Variants in LRMDA observed in about 807,000 individuals in gnomAD.
LRMDA encodes leucine-rich melanocyte differentiation-associated protein.
LRMDA carries 18 observed loss-of-function variants against 29.8 expected under a neutral mutation model. That is an observed-to-expected ratio of 0.60 (90% confidence interval 0.42 to 0.90). The LOEUF is 0.90. Among genes scored for constraint, LRMDA ranks in the 40% least tolerant of loss-of-function variants. LRMDA has a pLI of 0.00. For missense variants in LRMDA, 273 were observed against 273.9 expected, an observed-to-expected ratio of 1.00 and a Z score of 0.02; for synonymous variants, 125 against 109.4, an observed-to-expected ratio of 1.14 and a Z score of -0.89.
At chr10:75,893,747 A>G (rs1032295648) in intron 2 of LRMDA, among the ~76,000 whole-genome samples, 3 of 152,148 alleles carry the variant, frequency 2.0e-5, no homozygotes, top group Non-Finnish European at 4.4e-5. Context: ...CAGCCTGGCC[A>G]CGATGGGGAA....
At chr10:75,766,099 G>A (rs1298354874) in intron 2 of LRMDA, among the ~76,000 whole-genome samples, 1 of 152,184 alleles carries the variant, frequency 6.6e-6, no homozygotes, top group African/African-American at 2.4e-5. Flanking sequence ...CTGACCTTCG[G>A]CTGGACAGAT....
At chr10:75,495,298 C>T (rs1168720017) in intron 2 of LRMDA, among the ~76,000 whole-genome samples, 1 of 151,944 alleles carries the variant, frequency 6.6e-6, no homozygotes, top group African/African-American at 2.4e-5. Flanking sequence ...ATGCCCCTCC[C>T]TAGTTCTATA....
chr10:75,910,796 G>A (rs1845829804), intron 2 of LRMDA, among the ~76,000 whole-genome samples: 1 of 152,110 alleles, frequency 6.6e-6, no homozygotes, highest in East Asian at 1.9e-4. Flanking sequence ...ACCAGATACC[G>A]AGGTGGCCAG....
chr10:76,103,435 G>A (rs1368212738), intron 5 of LRMDA, among the ~76,000 whole-genome samples: 1 of 152,146 alleles, frequency 6.6e-6, no homozygotes, highest in Non-Finnish European at 1.5e-5. Context: ...TCTGATCCCG[G>A]GGGCCTCTGT....
rs145010718 is a variant in LRMDA, at chr10:75,611,478, C to T, written c.131+172984C>T. 6.3e-3 allele frequency among the ~76,000 whole-genome samples: 955 copies of T among 152,298 alleles called. 13 individuals carry two copies. Among genetic ancestry groups the T allele is most frequent in the African/African-American group, 0.021 (887 of 41,560 alleles). On this transcript the variant is annotated intron_variant, in intron 2 of 6. Transcript: ENST00000611255. ...ATCTCCAGAACTGTTTTCATCTTCT[C>T]AAGCCAAAACTCCATACCCATTAAA...
intron 5 of LRMDA, among the ~76,000 whole-genome samples, chr10:76,160,883 G>A (rs532421688): frequency 6.6e-6 from 1 of 152,232 alleles, no homozygotes; most frequent in South Asian, 2.1e-4. Context: ...ATCAGTTCTA[G>A]TTGAGGTGTA....
chr10:76,467,808 C>T (rs796218563), intron 6 of LRMDA, among the ~76,000 whole-genome samples: 7 of 152,170 alleles, frequency 4.6e-5, no homozygotes, highest in African/African-American at 1.7e-4. Flanking sequence ...ATTTGGCATG[C>T]CAGCTTGGGT....
intron 6 of LRMDA, among the ~76,000 whole-genome samples, chr10:76,330,068 T>G (rs1293754288): frequency 6.6e-6 from 1 of 152,192 alleles, no homozygotes; most frequent in Non-Finnish European, 1.5e-5. Context: ...AGCATAATGC[T>G]TTCAGGAGGG....
intron 2 of LRMDA, among the ~76,000 whole-genome samples, chr10:75,709,432 GTGTGTC>G (rs1842410295): frequency 6.6e-6 from 1 of 151,860 alleles, no homozygotes; most frequent in Non-Finnish European, 1.5e-5. Context: ...GTGTGTGTGT[GTGTGTC>G]TGTGTATGTG....
chr10:76,087,085 C>T (rs1849148141), intron 5 of LRMDA, among the ~76,000 whole-genome samples: 1 of 152,146 alleles, frequency 6.6e-6, no homozygotes, highest in Non-Finnish European at 1.5e-5. Flanking sequence ...CAGACAGGCC[C>T]TGTAAATCAT....
chr10:76,411,666 G>A (rs1015393529), intron 6 of LRMDA, among the ~76,000 whole-genome samples: 5 of 152,310 alleles, frequency 3.3e-5, no homozygotes, highest in African/African-American at 4.8e-5. Context: ...ATGTGCTGAC[G>A]GCTGTTCTGC....
chr10:76,077,991 C>CTTTTTT (rs1564646877), intron 5 of LRMDA, among the ~76,000 whole-genome samples: 10 of 83,464 alleles, frequency 1.2e-4, no homozygotes, highest in African/African-American at 2.8e-4. Context: ...GCAATATTAA[C>CTTTTTT]ATTTTTTTTT....
intron 2 of LRMDA, among the ~76,000 whole-genome samples, chr10:75,585,487 T>C (rs1223991817): frequency 6.6e-6 from 1 of 152,204 alleles, no homozygotes; most frequent in African/African-American, 2.4e-5. Flanking sequence ...CCCATGTCCA[T>C]TGGGTACATG....
intron 2 of LRMDA, among the ~76,000 whole-genome samples, chr10:75,598,337 G>A (rs1485764865): frequency 6.6e-6 from 1 of 152,042 alleles, no homozygotes; most frequent in East Asian, 1.9e-4. Flanking sequence ...GCTATGGCTC[G>A]CTAATAAACA....
chr10:76,380,828 CCTA>C (rs1841581575), intron 6 of LRMDA, among the ~76,000 whole-genome samples: 5 of 151,638 alleles, frequency 3.3e-5, no homozygotes, highest in African/African-American at 9.7e-5. Context: ...TTTAGTTAGT[CCTA>C]CTATTAATTA....
chr10:75,473,238 G>T (rs1844746635), intron 2 of LRMDA, among the ~76,000 whole-genome samples: 1 of 152,190 alleles, frequency 6.6e-6, no homozygotes, highest in South Asian at 2.1e-4. Context: ...TACCAAAGTG[G>T]GGGGAAACCT....
chr10:76,324,623 C>G (rs771772765), intron 6 of LRMDA, 138 bp downstream of exon 6: 21 of 700,188 alleles, frequency 3.0e-5, no homozygotes, highest in Non-Finnish European at 4.2e-5. Flanking sequence ...GAAAACCATA[C>G]CTGTCACACG....
At chr10:75,617,373 G>A (rs1200852491) in intron 2 of LRMDA, among the ~76,000 whole-genome samples, 1 of 152,112 alleles carries the variant, frequency 6.6e-6, no homozygotes, top group Non-Finnish European at 1.5e-5. Context: ...GTACATGGTG[G>A]CAGCTTGTGT....
chr10:76,006,762 A>G (rs963358795), intron 2 of LRMDA, among the ~76,000 whole-genome samples: 1 of 152,204 alleles, frequency 6.6e-6, no homozygotes, highest in Admixed American at 6.5e-5. Context: ...AAAAAAGAAA[A>G]AACCTGCTGA....
Sources: allele counts gnomAD v4.1 joint callset (sites outside exome capture counted in the v4.1 genomes callset), GRCh38; gene constraint gnomAD v4.1.1; transcripts MANE v1.5; gene names NCBI Gene and HGNC (gene_info 2026-07-23, HGNC 2026-07-21).